The following LGSN variants were observed in gnomAD, a reference collection of about 807,000 sequenced individuals.
LGSN encodes the protein lengsin, lens protein with glutamine synthetase domain.
A neutral mutation model predicts 19.5 loss-of-function variants in LGSN; 21 were observed. The observed-to-expected ratio is 1.07, with a 90% CI of 0.76 to 1.55. The LOEUF (loss-of-function observed/expected upper bound fraction) is 1.55. Among genes scored for constraint, LGSN ranks in the 40% most tolerant of loss-of-function variants. The pLI is 0.00. For missense variants in LGSN, 673 were observed against 608.5 expected, an observed-to-expected ratio of 1.11 and a Z score of -1.12; for synonymous variants, 257 against 215.6, an observed-to-expected ratio of 1.19 and a Z score of -1.68.
At chr6:63,521,193 G>A in the LGSN span, among the ~76,000 whole-genome samples, 6 of 151,714 alleles carry the variant, frequency 4.0e-5, no homozygotes, top group African/African-American at 1.5e-4. Context: ...ACAAACCTGA[G>A]CATTCAGCAC....
the LGSN span, among the ~76,000 whole-genome samples, chr6:63,351,880 C>CT: frequency 6.6e-6 from 1 of 152,128 alleles, no homozygotes; most frequent in Non-Finnish European, 1.5e-5. Context: ...ACTGTATAGT[C>CT]TTTTTAAACC....
At chr6:63,328,752 G>T in the LGSN span, among the ~76,000 whole-genome samples, 1 of 152,200 alleles carries the variant, frequency 6.6e-6, no homozygotes, top group East Asian at 1.9e-4. Flanking sequence ...ACTAGGACCT[G>T]CTTTAAGGTT....
the LGSN span, among the ~76,000 whole-genome samples, chr6:63,546,433 C>T: frequency 3.9e-5 from 6 of 152,064 alleles, no homozygotes; most frequent in African/African-American, 1.4e-4. Context: ...TGGCCGGGTG[C>T]GGTGGCTCAC....
chr6:63,530,702 A>G, the LGSN span, among the ~76,000 whole-genome samples: 1 of 152,236 alleles, frequency 6.6e-6, no homozygotes, highest in African/African-American at 2.4e-5. Flanking sequence ...ACATAGAAAA[A>G]TGATCAGAAG....
the LGSN span, among the ~76,000 whole-genome samples, chr6:63,354,824 T>G: frequency 6.6e-6 from 1 of 152,106 alleles, no homozygotes; most frequent in Non-Finnish European, 1.5e-5. Context: ...ATAATACCAT[T>G]TGCAGCAACA....
the LGSN span, among the ~76,000 whole-genome samples, chr6:63,477,655 CT>C: frequency 1.9e-5 from 1 of 52,880 alleles, no homozygotes; most frequent in African/African-American, 5.7e-5. Context: ...TTTTTTTTTT[CT>C]TTTTCTTTTT....
At chr6:63,412,309 G>A in the LGSN span, among the ~76,000 whole-genome samples, 29 of 151,158 alleles carry the variant, frequency 1.9e-4, no homozygotes, top group Non-Finnish European at 3.5e-4. Flanking sequence ...GGAGGTTGCA[G>A]TGAACTGAGA....
the LGSN span, among the ~76,000 whole-genome samples, chr6:63,508,386 T>C: frequency 1.3e-5 from 2 of 152,082 alleles, no homozygotes; most frequent in African/African-American, 4.8e-5. Flanking sequence ...TGTAAACAGA[T>C]ACCTAGCCAA....
chr6:63,539,943 G>T, the LGSN span, among the ~76,000 whole-genome samples: 2 of 152,182 alleles, frequency 1.3e-5, no homozygotes, highest in African/African-American at 4.8e-5. Context: ...TTGGAAAGTT[G>T]GATAATGCCA....
At chr6:63,331,341 G>C in the LGSN span, among the ~76,000 whole-genome samples, 1 of 152,168 alleles carries the variant, frequency 6.6e-6, no homozygotes, top group East Asian at 1.9e-4. Flanking sequence ...GGATAGTACT[G>C]TAATTTGTAC....
chr6:63,473,553 C>T, the LGSN span, among the ~76,000 whole-genome samples: 23 of 151,370 alleles, frequency 1.5e-4, no homozygotes, highest in African/African-American at 5.6e-4. Context: ...CCACACCAGT[C>T]CTGCTCTCCC....
At chr6:63,410,586 G>C in the LGSN span, among the ~76,000 whole-genome samples, 242 of 152,208 alleles carry the variant, frequency 1.6e-3, 2 homozygotes, top group Non-Finnish European at 1.9e-4. Flanking sequence ...CACAATTTGG[G>C]CATTTATTAT....
chr6:63,377,648 C>T, the LGSN span, among the ~76,000 whole-genome samples: 5 of 152,052 alleles, frequency 3.3e-5, no homozygotes, highest in African/African-American at 1.2e-4. Flanking sequence ...CACGGTGGCT[C>T]ACACCTGTAA....
the LGSN span, among the ~76,000 whole-genome samples, chr6:63,481,401 G>A: frequency 6.6e-6 from 1 of 151,800 alleles, no homozygotes; most frequent in South Asian, 2.1e-4. Context: ...GGAGGGCAGT[G>A]GTGCAATCTC....
At chr6:63,421,348 G>A in the LGSN span, among the ~76,000 whole-genome samples, 4 of 151,926 alleles carry the variant, frequency 2.6e-5, no homozygotes, top group African/African-American at 9.7e-5. Flanking sequence ...CTTGAACCTG[G>A]GAGATAGAGG....
intron 2 of LGSN, among the ~76,000 whole-genome samples, chr6:63,286,862 T>C (rs1184480532): frequency 2.0e-5 from 3 of 152,224 alleles, no homozygotes; most frequent in Non-Finnish European, 4.4e-5. Context: ...ATAGGCTTGT[T>C]ATGAGGATTA....
the LGSN span, among the ~76,000 whole-genome samples, chr6:63,558,193 G>C: frequency 7.2e-4 from 109 of 152,168 alleles, no homozygotes; most frequent in African/African-American, 2.5e-3. Flanking sequence ...TAAAATGCAG[G>C]GTGGATTAAA....
the LGSN span, among the ~76,000 whole-genome samples, chr6:63,366,503 G>C: frequency 1.1e-4 from 16 of 152,200 alleles, no homozygotes; most frequent in African/African-American, 3.9e-4. Flanking sequence ...TCATGAAAAT[G>C]GCCATACTGC....
the LGSN span, chr6:63,572,028 A>C: frequency 2.6e-5 from 4 of 152,224 alleles, no homozygotes; most frequent in African/African-American, 9.7e-5. Context: ...GACCGTGGTT[A>C]AGGCAGTAGA....
Sources: allele counts gnomAD v4.1 joint callset (sites outside exome capture counted in the v4.1 genomes callset), GRCh38; gene constraint gnomAD v4.1.1; transcripts MANE v1.5; gene names NCBI Gene and HGNC (gene_info 2026-07-23, HGNC 2026-07-21).